NCOA2: variants seen among roughly 807,000 people sequenced by gnomAD.
The protein encoded by NCOA2 is nuclear receptor coactivator 2.
Under a neutral mutation model 145.1 loss-of-function variants are expected in NCOA2, and 21 were observed. The ratio of observed to expected loss-of-function variants is 0.14; its 90% CI spans 0.10 to 0.21. The LOEUF (loss-of-function observed/expected upper bound fraction) is 0.21, where lower values mean the gene tolerates loss of function less well. Among genes scored for constraint, NCOA2 ranks in the 10% least tolerant of loss-of-function variants. NCOA2 has a pLI of 1.00. For missense variants in NCOA2, 1,472 were observed against 1,837.6 expected (o/e 0.80, Z 3.64); for synonymous variants, 619 against 637.5 (o/e 0.97, Z 0.44).
At chr8:70,419,199 C>G in the NCOA2 span, among the ~76,000 whole-genome samples, 1 of 150,812 alleles carries the variant, frequency 6.6e-6, no homozygotes, top group Non-Finnish European at 1.5e-5. Context: ...TTGATTTTTG[C>G]TAGGTTTTTC....
chr8:70,155,639 A>G (rs1322589028), intron 11 of NCOA2, among the ~76,000 whole-genome samples: 1 of 152,244 alleles, frequency 6.6e-6, no homozygotes, highest in Middle Eastern at 3.2e-3. Flanking sequence ...GAGCAAAGTC[A>G]TATTCAAGTT....
intron 1 of NCOA2, among the ~76,000 whole-genome samples, chr8:70,359,141 A>G (rs181268585): frequency 3.9e-4 from 59 of 152,362 alleles, no homozygotes; most frequent in African/African-American, 1.3e-3. Context: ...TGAATATAAA[A>G]TGGTGCAGCT....
rs1292929160 is a variant in NCOA2 at position 70,159,778 on chromosome 8, G to C, written c.977-126C>G. On this transcript the variant is annotated intron_variant, in intron 9 of 22. Coordinates refer to ENST00000452400, the MANE Select transcript of NCOA2 (RefSeq NM_006540.4). ...TAATAGTTTCCCACCAGCATGTAAA[G>C]AGTTATAAGTAATACTTTATGAGAT... The C allele has an allele frequency of 3.7e-6, 3 of 802,558 alleles. No individual in the cohort carries two copies. In the African/African-American group the frequency reaches 5.2e-5, roughly 14 times the overall value. 49.7% of individuals were successfully genotyped at this position (802,558 alleles called of 1,614,324 possible). A position where few individuals can be genotyped will look rare whatever the true frequency, so the allele number is the denominator to read the frequency against.
chr8:70,155,247 A>C (rs1812153024), intron 11 of NCOA2, among the ~76,000 whole-genome samples: 1 of 152,180 alleles, frequency 6.6e-6, no homozygotes, highest in Non-Finnish European at 1.5e-5. Context: ...TCCCTCTTAA[A>C]TATTTTTTAT....
At chr8:70,123,823 G>T in intron 21 of NCOA2, 61 bp downstream of exon 21, 1 of 1,389,586 alleles carries the variant, frequency 7.2e-7, no homozygotes. Flanking sequence ...TATATTTGAT[G>T]CAGAAGTAGA....
At chr8:70,351,562 G>A (rs2130825700) in intron 1 of NCOA2, among the ~76,000 whole-genome samples, 1 of 149,396 alleles carries the variant, frequency 6.7e-6, no homozygotes, top group African/African-American at 2.5e-5. Flanking sequence ...TGACTTGAGA[G>A]CATTTATTTG....
intron 2 of NCOA2, among the ~76,000 whole-genome samples, chr8:70,275,035 T>C (rs1028946327): frequency 6.6e-6 from 1 of 152,138 alleles, no homozygotes; most frequent in Non-Finnish European, 1.5e-5. Flanking sequence ...TTTCTGCACA[T>C]AAAAAACTCA....
At chr8:70,144,286 A>C (rs1026323825) in intron 13 of NCOA2, among the ~76,000 whole-genome samples, 2 of 152,262 alleles carry the variant, frequency 1.3e-5, no homozygotes, top group Non-Finnish European at 2.9e-5. Flanking sequence ...TTCTCCAAAC[A>C]CAAATAATCA....
At chr8:70,322,131 A>G (rs1198697459) in intron 1 of NCOA2, among the ~76,000 whole-genome samples, 1 of 152,030 alleles carries the variant, frequency 6.6e-6, no homozygotes, top group African/African-American at 2.4e-5. Flanking sequence ...GGGGAAAAAA[A>G]AACCTGTCTA....
chr8:70,167,621 T>C (rs1170131189), intron 6 of NCOA2, among the ~76,000 whole-genome samples: 2 of 152,256 alleles, frequency 1.3e-5, no homozygotes, highest in African/African-American at 4.8e-5. Flanking sequence ...AATTGTTTCA[T>C]GTACATTTCT....
At chr8:70,290,694 C>T (rs945515182) in intron 2 of NCOA2, among the ~76,000 whole-genome samples, 1 of 151,772 alleles carries the variant, frequency 6.6e-6, no homozygotes, top group Non-Finnish European at 1.5e-5. Context: ...TAAAGAATCA[C>T]AGTAAAATAA....
intron 1 of NCOA2, among the ~76,000 whole-genome samples, chr8:70,343,426 A>AC (rs1808323371): frequency 6.6e-6 from 1 of 152,018 alleles, no homozygotes; most frequent in Non-Finnish European, 1.5e-5. Flanking sequence ...TGGGTGACCA[A>AC]CTTGAAATTC....
intron 1 of NCOA2, among the ~76,000 whole-genome samples, chr8:70,354,873 T>C (rs959395218): frequency 5.3e-5 from 8 of 152,212 alleles, no homozygotes; most frequent in African/African-American, 1.9e-4. Flanking sequence ...AAAAAGCTGA[T>C]AGTTTATTAT....
intron 12 of NCOA2, among the ~76,000 whole-genome samples, chr8:70,147,360 C>T (rs540109436): frequency 2.3e-4 from 35 of 152,260 alleles, no homozygotes; most frequent in African/African-American, 7.2e-4. Flanking sequence ...GAGAAAAGAC[C>T]TAGCAATGAA....
intron 1 of NCOA2, among the ~76,000 whole-genome samples, chr8:70,374,904 T>A (rs536730082): frequency 2.0e-5 from 3 of 152,064 alleles, no homozygotes; most frequent in Non-Finnish European, 4.4e-5. Context: ...TTTTTACTTA[T>A]CTATATTTTC....
At chr8:70,228,968 A>T (rs1035127387) in intron 2 of NCOA2, among the ~76,000 whole-genome samples, 9 of 152,248 alleles carry the variant, frequency 5.9e-5, no homozygotes, top group African/African-American at 2.2e-4. Context: ...TAGCACAAAT[A>T]TATGATTTCT....
At chr8:70,116,295 T>TA in intron 22 of NCOA2, among the ~76,000 whole-genome samples, 1 of 151,824 alleles carries the variant, frequency 6.6e-6, no homozygotes, top group South Asian at 2.1e-4. Flanking sequence ...CTCACGCCTG[T>TA]AATCCCAGCA....
intron 1 of NCOA2, among the ~76,000 whole-genome samples, chr8:70,301,783 G>A (rs1827527491): frequency 6.6e-6 from 1 of 151,352 alleles, no homozygotes; most frequent in Non-Finnish European, 1.5e-5. Context: ...TAAACAAAAG[G>A]GCAGCCCAAC....
At chr8:70,306,700 G>A (rs74871332) in intron 1 of NCOA2, among the ~76,000 whole-genome samples, 4,141 of 152,102 alleles carry the variant, frequency 0.027, 182 homozygotes, top group African/African-American at 0.095. Flanking sequence ...GCAACAAGGC[G>A]AAACGTCGTC....
Sources: allele counts gnomAD v4.1 joint callset (sites outside exome capture counted in the v4.1 genomes callset), GRCh38; gene constraint gnomAD v4.1.1; transcripts MANE v1.5; gene names NCBI Gene and HGNC (gene_info 2026-07-23, HGNC 2026-07-21).